Variants in OTOG observed in about 807,000 individuals in gnomAD.
OTOG encodes otogelin.
Under a neutral mutation model 313.8 loss-of-function variants are expected in OTOG, and 296 were observed. That is an observed-to-expected ratio of 0.94 (90% CI 0.86 to 1.04). OTOG has a LOEUF of 1.04. Among genes scored for constraint, OTOG ranks in the 50% least tolerant of loss-of-function variants. The pLI is 0.00. For synonymous variants in OTOG, 1,533 were observed against 1,554.9 expected (o/e 0.99, Z 0.33); for missense variants, 3,948 against 3,840.1 (o/e 1.03, Z -0.74).
chr11:17,553,166 T>G lies in OTOG; in HGVS notation c.340T>G (p.Cys114Gly), dbSNP rs1851980383. 6.4e-7 allele frequency: 1 copy of G among 1,550,582 alleles called. No homozygotes were observed. Among genetic ancestry groups the G allele is most frequent in the Non-Finnish European group, 8.7e-7 (1 of 1,146,988 alleles). ...NGGECVHPAF[C>G]DCRRFNATGP... is the part of the protein sequence containing the mutation. ...AGGCGAGTGTGTGCACCCAGCCTTC[T>G]GTGACTGCAGACGCTTCAATGCCAC... is the stretch of plus-strand genomic sequence containing the variant. The change falls in exon 5 of 56, where the codon TGT (cysteine) becomes GGT (glycine). Residue 114 changes from cysteine (C) to glycine (G), a missense_variant. By Grantham distance (159) the Cys-to-Gly change is radical (BLOSUM62 -3). Coordinates refer to ENST00000399397, the MANE Select transcript of OTOG (RefSeq NM_001292063.2).
chr11:17,555,674 T>C (rs1290860405), intron 6 of OTOG, 105 bp from the exon 7 acceptor site: 2 of 838,216 alleles, frequency 2.4e-6, no homozygotes, highest in East Asian at 2.7e-5. Flanking sequence ...GCAGTTGGTA[T>C]GCAGGGGACA....
intron 49 of OTOG, among the ~76,000 whole-genome samples, chr11:17,640,254 C>T (rs1057099755): frequency 2.6e-5 from 4 of 152,256 alleles, no homozygotes; most frequent in African/African-American, 7.2e-5. Context: ...AGGTTAAGGT[C>T]ATGAAGCTAG....
intron 23 of OTOG, among the ~76,000 whole-genome samples, chr11:17,586,225 A>C (rs1168068045): frequency 1.2e-4 from 18 of 152,208 alleles, no homozygotes; most frequent in African/African-American, 4.1e-4. Context: ...GCTGGTAGAG[A>C]TAAGCCTTGC....
intron 40 of OTOG, among the ~76,000 whole-genome samples, chr11:17,631,009 C>T (rs749416519): frequency 1.1e-4 from 16 of 152,214 alleles, no homozygotes; most frequent in Non-Finnish European, 1.6e-4. Flanking sequence ...CTGGTTCTGC[C>T]ATGTCAACAT....
Position 17,547,655 on chromosome 11 carries a change from C to T in OTOG, c.94+189C>T, listed in dbSNP as rs926920813. 1.5e-4 allele frequency: 170 copies of T among 1,108,766 alleles called. 1 individual carries two copies. Among genetic ancestry groups the T allele is most frequent in the African/African-American group, 1.5e-3 (92 of 61,698 alleles). The allele number at this position is 1,108,766 out of a possible 1,614,324, so 68.7% of individuals were successfully genotyped here. On this transcript the variant is annotated intron_variant, in intron 1 of 55. Transcript: ENST00000399397. Reference sequence around the variant, plus strand: ...GCCAACAGAGGCAGGCCTATGACCGCGGGGGAAAGAGTCCAAAGTTAGGCT... The same window carrying T: ...GCCAACAGAGGCAGGCCTATGACCGTGGGGGAAAGAGTCCAAAGTTAGGCT...
intron 51 of OTOG, 57 bp from the exon 52 acceptor site, chr11:17,641,790 G>A: frequency 3.1e-6 from 4 of 1,283,350 alleles, no homozygotes; most frequent in East Asian, 2.5e-5. Context: ...CCAGGCAGTG[G>A]GAGAGCCAGG....
chr11:17,579,694 C>A (rs543768754), intron 23 of OTOG, among the ~76,000 whole-genome samples: 1 of 152,164 alleles, frequency 6.6e-6, no homozygotes, highest in African/African-American at 2.4e-5. Context: ...CACTGAAGGC[C>A]GCTTGTGACA....
chr11:17,634,027 C>T, intron 43 of OTOG, 42 bp from the exon 44 acceptor site: 2 of 1,521,176 alleles, frequency 1.3e-6, no homozygotes, highest in South Asian at 1.2e-5. Context: ...GGTCTGGGCT[C>T]ACCTTCCTCA....
intron 26 of OTOG, 33 bp downstream of exon 26, chr11:17,593,360 C>T (rs1852998092): frequency 1.9e-6 from 3 of 1,548,766 alleles, no homozygotes; most frequent in South Asian, 1.2e-5. Flanking sequence ...GTTGTGTAGA[C>T]AATTTACAGG....
chr11:17,641,909 C>A lies in OTOG; in HGVS notation c.8253C>A (p.Ser2751=). The change falls in exon 52 of 56, where the codon TCC becomes TCA. Residue 2751 remains serine (S), a synonymous_variant. Coordinates refer to ENST00000399397, the MANE Select transcript of OTOG (RefSeq NM_001292063.2). Reference sequence around the variant, plus strand: ...GCTGCGGCTCCTGCAGGAACGTGTCCTGTCTCTTCACCTTCCCCAATGGCA... The same window carrying A: ...GCTGCGGCTCCTGCAGGAACGTGTCATGTCTCTTCACCTTCCCCAATGGCA... The part of the protein sequence containing the change: ...AACCGSCRNV[S]CLFTFPNGTT... The A allele has an allele frequency of 6.5e-7, 1 of 1,550,354 alleles. No individual in the cohort carries two copies. Among genetic ancestry groups the A allele is most frequent in the Non-Finnish European group, 8.7e-7 (1 of 1,146,862 alleles).
intron 7 of OTOG, 36 bp downstream of exon 7, chr11:17,555,933 C>G: frequency 6.8e-7 from 1 of 1,465,772 alleles, no homozygotes; most frequent in Non-Finnish European, 9.3e-7. Context: ...GCTGTCCTAT[C>G]CCTGACACTG....
rs1852591850 is a variant in OTOG, at chr11:17,578,517, G to T, written c.2750G>T (p.Cys917Phe). The T allele has an allele frequency of 2.0e-6, 3 of 1,534,092 alleles. No individual in the cohort carries two copies. Among genetic ancestry groups the T allele is most frequent in the Non-Finnish European group, 2.6e-6 (3 of 1,144,996 alleles). ...GGCCCCTGCCTCTCGGGCTGCGCCT[G>T]TCCCCAGGGGTAAGTACCCATGGTG... ...ARGPCLSGCA[C>F]PQGLLRHGDA... Residue 917 changes from cysteine to phenylalanine, a missense_variant, in exon 23 of 56, where the codon TGT becomes TTT. Coordinates refer to ENST00000399397, the MANE Select transcript of OTOG (RefSeq NM_001292063.2).
intron 40 of OTOG, 35 bp from the exon 41 acceptor site, chr11:17,631,667 G>A (rs1252391146): frequency 6.6e-7 from 1 of 1,505,694 alleles, no homozygotes; most frequent in Non-Finnish European, 9.0e-7. Flanking sequence ...TGGTAGTGAT[G>A]ATCGTGGCTG....
rs1158165837 is a variant in OTOG, at chr11:17,609,778, C to T, written c.4478C>T (p.Pro1493Leu). 3.9e-6 allele frequency: 6 copies of T among 1,548,834 alleles called. No homozygotes were observed. Among genetic ancestry groups the T allele is most frequent in the Non-Finnish European group, 4.4e-6 (5 of 1,146,170 alleles). ...CTGTCACAGGAAAGCCCCAGGACCC[C>T]CACCCACAGGCCAGCCCTCACCCCA... ...PQLSQESPRT[P>L]THRPALTPAA... Residue 1493 changes from proline to leucine, a missense_variant, in exon 36 of 56, where the codon CCC (proline) becomes CTC (leucine). By Grantham distance (98) the Pro-to-Leu change is moderately conservative. Coordinates refer to ENST00000399397, the MANE Select transcript of OTOG (RefSeq NM_001292063.2).
chr11:17,616,163 A>G (rs112632784), intron 39 of OTOG, among the ~76,000 whole-genome samples: 351 of 152,006 alleles, frequency 2.3e-3, no homozygotes, highest in African/African-American at 8.0e-3. Context: ...GGGCTCAGCA[A>G]TCCCCCCACC....
chr11:17,575,040 C>T, intron 20 of OTOG, 128 bp downstream of exon 20: 1 of 951,180 alleles, frequency 1.1e-6, no homozygotes, highest in Non-Finnish European at 1.5e-6. Context: ...GCAGGCCAGA[C>T]CTTGGTGGGT....
In OTOG at chr11:17,581,101, G is replaced by T. The variant is rs376665580; in HGVS notation, c.2759+2575G>T. Among the ~76,000 whole-genome samples the T allele has an allele frequency of 3.3e-5, 5 of 152,322 alleles. No homozygotes were observed. In the South Asian group the frequency reaches 6.2e-4, roughly 19 times the overall value. On this transcript the variant is annotated intron_variant, in intron 23 of 55. Coordinates refer to ENST00000399397, the MANE Select transcript of OTOG (RefSeq NM_001292063.2). ...AATAGTACATGCATTTTGGAAAATA[G>T]TTTGGCAGTTTCTTATATAAACATG... is the stretch of plus-strand genomic sequence containing the variant.
At chr11:17,554,957 G>A (rs2134000994) in intron 6 of OTOG, among the ~76,000 whole-genome samples, 1 of 152,310 alleles carries the variant, frequency 6.6e-6, no homozygotes, top group Non-Finnish European at 1.5e-5. Context: ...CTTATTGTAG[G>A]TCATGGTCAC....
At position 17,633,817 on chromosome 11, in the gene OTOG, G is replaced by C. The variant is rs571535155; in HGVS notation, c.7210G>C (p.Glu2404Gln). ...QVLGEGCVCS[E>Q]GTILHRRHSA... ...GCTGGGCGAGGGCTGCGTCTGCTCC[G>C]AGGGCACCATCTTACACCGGCGCCA... Residue 2404 changes from glutamate (E) to glutamine (Q), a missense_variant, in exon 43 of 56, where the codon GAG becomes CAG. By Grantham distance (29) the Glu-to-Gln change is conservative (BLOSUM62 2). Transcript: ENST00000399397. The C allele has an allele frequency of 6.5e-7, 1 of 1,550,106 alleles. No homozygotes were observed. The highest frequency in any genetic ancestry group is 8.7e-7 in the Non-Finnish European group (1 of 1,146,880).
Sources: gnomAD v4.1 joint callset for allele counts (sites outside exome capture counted in the v4.1 genomes callset) on GRCh38, gnomAD v4.1.1 for gene constraint, MANE v1.5 for transcripts, NCBI Gene and HGNC (gene_info 2026-07-23, HGNC 2026-07-21) for gene names.